MEIOB: variants seen among roughly 807,000 people sequenced by gnomAD.
MEIOB encodes the protein meiosis specific with OB-fold, also known as meiosis-specific with OB domain-containing protein.
MEIOB carries 50 observed loss-of-function variants against 53.1 expected under a neutral mutation model. The ratio of observed to expected loss-of-function variants is 0.94; its 90% confidence interval spans 0.75 to 1.19. MEIOB has a LOEUF of 1.19. Ranked by LOEUF, MEIOB falls within the 50% of genes most tolerant of loss-of-function variation. The pLI is 0.00. For missense variants in MEIOB, 551 were observed against 550.8 expected (o/e 1.00, Z 0.00); for synonymous variants, 192 against 182.5 (o/e 1.05, Z -0.42).
intron 12 of MEIOB, 121 bp from the exon 13 acceptor site, chr16:1,837,991 CTCAA>C: frequency 6.9e-7 from 1 of 1,439,026 alleles, no homozygotes; most frequent in Non-Finnish European, 9.2e-7. Flanking sequence ...GTAATTACAG[CTCAA>C]TCGTTTGTTT....
chr16:1,857,920 G>T lies in MEIOB; in HGVS notation c.343C>A (p.Leu115Met). ...FSPATPSNCKLLLSENHSTVK... is the reference protein window; with the variant it reads ...FSPATPSNCKMLLSENHSTVK... ...GTTGAGTGATTCTCACTGAGCAACA[G>T]TTTACAGTTGCTAAATTGCAAAAAC... Residue 115 changes from leucine to methionine, a missense_variant, in exon 6 of 14, where the codon CTG becomes ATG. By Grantham distance (15) the Leu-to-Met change is conservative (BLOSUM62 2). Transcript: ENST00000325962. 1 of 1,521,770 alleles carries T rather than the reference G, an allele frequency of 6.6e-7. No individual in the cohort carries two copies. Among genetic ancestry groups the T allele is most frequent in the Non-Finnish European group, 8.8e-7 (1 of 1,131,398 alleles). 94.3% of individuals were successfully genotyped at this position (1,521,770 alleles called of 1,614,324 possible). A position where few individuals can be genotyped will look rare whatever the true frequency, so the allele number is the denominator to read the frequency against.
chr16:1,854,269 A>G (rs1291383182), intron 6 of MEIOB, 69 bp from the exon 7 acceptor site: 3 of 905,340 alleles, frequency 3.3e-6, no homozygotes, highest in East Asian at 5.4e-5. Flanking sequence ...GTTGATGAAA[A>G]TACTCAAATG....
chr16:1,863,964 G>T (rs1567281329), intron 3 of MEIOB, among the ~76,000 whole-genome samples: 1 of 152,010 alleles, frequency 6.6e-6, no homozygotes, highest in Non-Finnish European at 1.5e-5. Flanking sequence ...GTTCGAGACT[G>T]GGCAACAAAG....
rs551749899 is a variant in MEIOB, at chr16:1,842,961, G to A, written c.881-988C>T. 2.3e-5 allele frequency among the ~76,000 whole-genome samples: 3 copies of A among 127,902 alleles called. No homozygotes were observed. The East Asian group carries it at 7.5e-4, about 32-fold the overall frequency. The allele number at this position is 127,902 out of a possible 152,430, so 83.9% of individuals were successfully genotyped here. ...ACAGGCGTGAGCCACCGCGCCCGGCGACACTGACTCAATTTTTTAAATGGG... is the reference window on the plus strand; with the variant it reads ...ACAGGCGTGAGCCACCGCGCCCGGCAACACTGACTCAATTTTTTAAATGGG... On this transcript the variant is annotated intron_variant, in intron 10 of 13. Coordinates refer to ENST00000325962, the MANE Select transcript of MEIOB (RefSeq NM_001163560.3).
intron 4 of MEIOB, among the ~76,000 whole-genome samples, chr16:1,860,956 G>C (rs1899425778): frequency 6.6e-6 from 1 of 152,052 alleles, no homozygotes; most frequent in Non-Finnish European, 1.5e-5. Flanking sequence ...TGAAGAACTA[G>C]TATACATGCT....
chr16:1,841,308 G>A (rs112539690), intron 11 of MEIOB, among the ~76,000 whole-genome samples: 19,589 of 152,006 alleles, frequency 0.13, 1,257 homozygotes, highest in East Asian at 0.16. Flanking sequence ...GTGAGCCACC[G>A]TGCCCGGCCT....
chr16:1,868,136 A>C lies in MEIOB; in HGVS notation c.40T>G (p.Ser14Ala). Residue 14 changes from serine to alanine, a missense_variant, in exon 2 of 14, where the codon TCA (serine) becomes GCA (alanine). Physicochemically the swap from Ser to Ala is moderately conservative, Grantham distance 99. Coordinates refer to ENST00000325962, the MANE Select transcript of MEIOB (RefSeq NM_001163560.3). ...TTAGCCATATTTGTCTGCAGATCTGAAAGGGTAGTGAAAATCCTCGCTGCA... is the reference window on the plus strand; with the variant it reads ...TTAGCCATATTTGTCTGCAGATCTGCAAGGGTAGTGAAAATCCTCGCTGCA... ...SFAARIFTTLSDLQTNMANLK... is the reference protein window; with the variant it reads ...SFAARIFTTLADLQTNMANLK... The C allele has an allele frequency of 6.5e-7, 1 of 1,534,896 alleles. No individual in the cohort carries two copies. Among genetic ancestry groups the C allele is most frequent in the Non-Finnish European group, 8.8e-7 (1 of 1,135,268 alleles).
chr16:1,855,947 G>C (rs1050912538), intron 6 of MEIOB, among the ~76,000 whole-genome samples: 1 of 69,818 alleles, frequency 1.4e-5, no homozygotes, highest in South Asian at 4.1e-4. Context: ...TTTTTTTTTT[G>C]TCTCTTGACT....
chr16:1,840,885 G>A (rs1290308188), intron 11 of MEIOB: 1 of 151,590 alleles, frequency 6.6e-6, no homozygotes, highest in African/African-American at 2.4e-5. Context: ...GTGAATCTAG[G>A]ATTATCTCAA....
chr16:1,854,259 G>A, intron 6 of MEIOB, 59 bp from the exon 7 acceptor site: 1 of 1,014,726 alleles, frequency 9.9e-7, no homozygotes, highest in Non-Finnish European at 1.5e-6. Context: ...TTAAGTATTT[G>A]TTGATGAAAA....
chr16:1,866,617 G>C (rs937492422), intron 2 of MEIOB, among the ~76,000 whole-genome samples: 1 of 151,990 alleles, frequency 6.6e-6, no homozygotes, highest in Non-Finnish European at 1.5e-5. Context: ...AGCTACTCGC[G>C]AGGCTGAGGC....
chr16:1,849,573 T>C (rs961355861), intron 9 of MEIOB, among the ~76,000 whole-genome samples: 1 of 138,636 alleles, frequency 7.2e-6, no homozygotes, highest in Admixed American at 7.5e-5. Context: ...AGATGACAGG[T>C]TGATAGATGT....
intron 6 of MEIOB, among the ~76,000 whole-genome samples, chr16:1,854,934 G>C (rs940197889): frequency 7.9e-5 from 12 of 152,078 alleles, no homozygotes; most frequent in African/African-American, 2.9e-4. Context: ...ACAGCAGCAG[G>C]CCCAGCATGG....
At position 1,863,293 on chromosome 16, in the gene MEIOB, G is replaced by A. The variant is rs147559625; in HGVS notation, c.128-1177C>T. On this transcript the variant is annotated intron_variant, in intron 3 of 13. Coordinates refer to ENST00000325962, the MANE Select transcript of MEIOB (RefSeq NM_001163560.3). ...TGCAACCCCTGCCTCCCAGCAGCTG[G>A]GACTCAGCCTCCTGAGCAGCTGGGG... Among the ~76,000 whole-genome samples the A allele has an allele frequency of 1.4e-4, 22 of 151,880 alleles. No individual in the cohort carries two copies. The East Asian group carries it at 4.1e-3, about 28-fold the overall frequency.
At chr16:1,854,812 T>G (rs1166946811) in intron 6 of MEIOB, among the ~76,000 whole-genome samples, 1 of 151,004 alleles carries the variant, frequency 6.6e-6, no homozygotes, top group African/African-American at 2.4e-5. Flanking sequence ...GTGGAAATCC[T>G]CTTGCCCATT....
chr16:1,841,789 T>G, intron 11 of MEIOB, 31 bp downstream of exon 11: 1 of 1,450,264 alleles, frequency 6.9e-7, no homozygotes, highest in East Asian at 2.4e-5. Flanking sequence ...CTTACAAAAA[T>G]GAATTTGCTA....
chr16:1,854,196 C>G lies in MEIOB; in HGVS notation c.533G>C (p.Gly178Ala), dbSNP rs1305572520. The change falls in exon 7 of 14, where the codon GGA becomes GCA. Residue 178 changes from glycine (G) to alanine (A), a missense_variant. Physicochemically the swap from Gly to Ala is moderately conservative, Grantham distance 60. Coordinates refer to ENST00000325962, the MANE Select transcript of MEIOB (RefSeq NM_001163560.3). ...TGAAGTTGTAAAGTATTTTGGCTCT[C>G]CAACCTTAGAAATGGAAATAAATCA... ...INVLAAVKSV[G>A]EPKYFTTSDR... 2.6e-6 allele frequency: 4 copies of G among 1,534,744 alleles called. No individual in the cohort carries two copies. Among genetic ancestry groups the G allele is most frequent in the Non-Finnish European group, 1.8e-6 (2 of 1,133,054 alleles).
chr16:1,866,751 A>T (rs1202574231), intron 2 of MEIOB, among the ~76,000 whole-genome samples: 1 of 151,798 alleles, frequency 6.6e-6, no homozygotes, highest in African/African-American at 2.4e-5. Context: ...AAATAATAAA[A>T]AATAAAAATG....
chr16:1,849,983 AAAGTT>A (rs1899123802), intron 9 of MEIOB, among the ~76,000 whole-genome samples: 1 of 152,224 alleles, frequency 6.6e-6, no homozygotes, highest in East Asian at 1.9e-4. Context: ...TGTCAATTAA[AAAGTT>A]AAGCAATAAA....
Sources: gnomAD v4.1 joint callset for allele counts (sites outside exome capture counted in the v4.1 genomes callset) on GRCh38, gnomAD v4.1.1 for gene constraint, MANE v1.5 for transcripts, NCBI Gene and HGNC (gene_info 2026-07-23, HGNC 2026-07-21) for gene names.